The following CLSTN1 variants were observed in gnomAD, a reference collection of about 807,000 sequenced individuals.
CLSTN1 encodes the protein calsyntenin 1, also known as calsyntenin-1.
Under a neutral mutation model 108.3 loss-of-function variants are expected in CLSTN1, and 28 were observed. The ratio of observed to expected loss-of-function variants is 0.26; its 90% CI spans 0.19 to 0.35. The LOEUF is 0.35. CLSTN1 is among the 10% of genes least tolerant of loss of function. The probability of loss-of-function intolerance (pLI) is 1.00; values close to 1 mark genes in which losing one functional copy is unlikely to be tolerated. For synonymous variants in CLSTN1, 524 were observed against 534.9 expected (o/e 0.98, Z 0.28); for missense variants, 1,157 against 1,302.6 (o/e 0.89, Z 1.72).
At chr1:9,800,378 T>A (rs1164499638) in intron 1 of CLSTN1, among the ~76,000 whole-genome samples, 1 of 150,870 alleles carries the variant, frequency 6.6e-6, no homozygotes, top group Non-Finnish European at 1.5e-5. Flanking sequence ...ATTCCTAGTA[T>A]CAGAAATGAA....
At chr1:9,814,158 C>CTAGCACTT (rs1654879565) in intron 1 of CLSTN1, among the ~76,000 whole-genome samples, 1 of 151,062 alleles carries the variant, frequency 6.6e-6, no homozygotes, top group African/African-American at 2.4e-5. Context: ...GCTTGTAATC[C>CTAGCACTT]TAGCACTTTG....
In CLSTN1 at chr1:9,735,312, A is replaced by T. The variant is rs545148673; in HGVS notation, c.1884-138T>A. 3.2e-4 allele frequency: 438 copies of T among 1,363,466 alleles called. 9 individuals are homozygous for T. The South Asian group carries it at 5.3e-3, about 16-fold the overall frequency. The allele number at this position is 1,363,466 out of a possible 1,614,324, so 84.5% of individuals were successfully genotyped here. On this transcript the variant is annotated intron_variant, in intron 13 of 18. Transcript: ENST00000377298. Reference sequence around the variant, plus strand: ...CCACTCCAGGAACACACTTGCAAACAAGATGCGTAAATATCACTCAGCTCT... The same window carrying T: ...CCACTCCAGGAACACACTTGCAAACTAGATGCGTAAATATCACTCAGCTCT...
chr1:9,747,176 C>CAAAAAAA (rs70998306), intron 7 of CLSTN1, among the ~76,000 whole-genome samples: 4 of 32,744 alleles, frequency 1.2e-4, no homozygotes, highest in Admixed American at 3.4e-4. Context: ...GAGACTGTCT[C>CAAAAAAA]AAAAAAAAAA....
intron 2 of CLSTN1, among the ~76,000 whole-genome samples, chr1:9,763,527 T>C (rs538334290): frequency 7.2e-5 from 11 of 152,172 alleles, no homozygotes; most frequent in East Asian, 1.9e-4. Flanking sequence ...AGGTGGCCCA[T>C]TGGGGGTTTG....
intron 7 of CLSTN1, among the ~76,000 whole-genome samples, chr1:9,746,015 G>GC (rs1259513568): frequency 6.6e-6 from 1 of 152,118 alleles, no homozygotes; most frequent in East Asian, 1.9e-4. Flanking sequence ...CGATCCATCT[G>GC]CCTCAGACTC....
chr1:9,747,322 T>C (rs1361212305), intron 7 of CLSTN1, among the ~76,000 whole-genome samples: 1 of 152,014 alleles, frequency 6.6e-6, no homozygotes. Context: ...ATATTATACT[T>C]ACATGCATGG....
At chr1:9,731,722 A>G in intron 17 of CLSTN1, 39 bp downstream of exon 17, 1 of 1,611,732 alleles carries the variant, frequency 6.2e-7, no homozygotes, top group East Asian at 2.2e-5. Context: ...GGCGGACGGC[A>G]TGGAGCATCT....
intron 10 of CLSTN1, 76 bp downstream of exon 10, chr1:9,740,995 GGTAAGGCTGTAGGATACCGATCA>G: frequency 7.6e-7 from 1 of 1,315,298 alleles, no homozygotes; most frequent in Admixed American, 2.0e-5. Context: ...AGGACACGAG[GGTAAGGCTGTAGGATACCGATCA>G]CAGCCTGCTG....
intron 2 of CLSTN1, among the ~76,000 whole-genome samples, chr1:9,758,763 A>G (rs559067938): frequency 1.1e-4 from 17 of 152,318 alleles, no homozygotes; most frequent in African/African-American, 3.8e-4. Flanking sequence ...TGCCTGGCGG[A>G]AAGAGAGCAC....
rs1216289621 is a variant in CLSTN1, at chr1:9,730,708, G to A, written c.2749-3C>T. 10 of 1,597,168 alleles carry A rather than the reference G, an allele frequency of 6.3e-6. No homozygotes were observed. Among genetic ancestry groups the A allele is most frequent in the Non-Finnish European group, 8.5e-6 (10 of 1,174,594 alleles). ...CTGCTGTGCTGGTCCTCATAGGTCT[G>A]GCAAGGAGAAGTGACGGCCACATGA... On this transcript the variant is annotated splice_polypyrimidine_tract_variant and splice_region_variant and intron_variant, in intron 18 of 18. Transcript: ENST00000377298. The surrounding 1 kb of genome is among the most constrained non-coding windows in gnomAD (Gnocchi z 5.6).
chr1:9,793,770 C>A (rs899070816), intron 1 of CLSTN1, among the ~76,000 whole-genome samples: 6 of 151,446 alleles, frequency 4.0e-5, no homozygotes, highest in Non-Finnish European at 8.8e-5. Context: ...TTAGCATGAG[C>A]CTCCCTGAAG....
chr1:9,765,049 A>C (rs1459985609), intron 2 of CLSTN1, among the ~76,000 whole-genome samples: 1 of 152,156 alleles, frequency 6.6e-6, no homozygotes, highest in African/African-American at 2.4e-5. Context: ...ATTAAGCTGA[A>C]GCATGTGAAA....
intron 4 of CLSTN1, among the ~76,000 whole-genome samples, chr1:9,754,524 A>C (rs1319215371): frequency 6.6e-6 from 1 of 151,598 alleles, no homozygotes; most frequent in Non-Finnish European, 1.5e-5. Flanking sequence ...GTGCCACTAC[A>C]CTCCAGCTTG....
rs1650391096 is a variant in CLSTN1, at chr1:9,731,510, C to T, written c.2564-120G>A. 2.6e-6 allele frequency: 3 copies of T among 1,152,848 alleles called. No homozygotes were observed. The Admixed American group carries it at 6.5e-5, about 25-fold the overall frequency. 71.4% of individuals were successfully genotyped at this position (1,152,848 alleles called of 1,614,324 possible). A position where few individuals can be genotyped will look rare whatever the true frequency, so the allele number is the denominator to read the frequency against. On this transcript the variant is annotated intron_variant, in intron 17 of 18. Transcript: ENST00000377298. ...GGACAGCACGCTTCAGCTGAACCCA[C>T]AGGCCAGGAGGAAATACCAGGAAAA...
chr1:9,785,719 G>C (rs148006947), intron 1 of CLSTN1, among the ~76,000 whole-genome samples: 16 of 151,872 alleles, frequency 1.1e-4, no homozygotes, highest in African/African-American at 3.6e-4. Flanking sequence ...GAAAACCAAT[G>C]ATGTCTACAT....
chr1:9,782,419 ATAAGTTATTAGG>A (rs1341431758), intron 1 of CLSTN1, among the ~76,000 whole-genome samples: 1 of 152,194 alleles, frequency 6.6e-6, no homozygotes, highest in African/African-American at 2.4e-5. Flanking sequence ...TGGTTATTTA[ATAAGTTATTAGG>A]TAAGTAATGT....
intron 1 of CLSTN1, among the ~76,000 whole-genome samples, chr1:9,819,994 T>C (rs940263741): frequency 6.6e-6 from 1 of 151,458 alleles, no homozygotes; most frequent in East Asian, 1.9e-4. Context: ...TGATCTAATA[T>C]CCCCAATACT....
At position 9,734,948 on chromosome 1, in the gene CLSTN1, C is replaced by T; in HGVS notation, c.2110G>A (p.Val704Ile). 1 of 1,614,006 alleles carries T rather than the reference C, an allele frequency of 6.2e-7. No homozygotes were observed. Among genetic ancestry groups the T allele is most frequent in the Non-Finnish European group, 8.5e-7 (1 of 1,179,876 alleles). ...GCCCGCGCCCCACAGAGCACATTAC[C>T]TGTGGGGTCCTCAGCCCCGTCCCCT... The part of the protein sequence containing the change: ...PEGDGAEDPT[V>I]QESLVSEEIV... Residue 704 changes from valine to isoleucine, a missense_variant and splice_region_variant, in exon 14 of 19, where the codon GTT (valine) becomes ATT (isoleucine). By Grantham distance (29) the Val-to-Ile change is conservative. Coordinates refer to ENST00000377298, the MANE Select transcript of CLSTN1 (RefSeq NM_001009566.3). This position sits in a 1 kb window ranked among gnomAD's most constrained non-coding sequence, Gnocchi z 4.8.
intron 16 of CLSTN1, 90 bp downstream of exon 16, chr1:9,733,311 G>A: frequency 6.6e-7 from 1 of 1,504,726 alleles, no homozygotes; most frequent in Non-Finnish European, 9.2e-7. Context: ...TGAATGCTCT[G>A]AGGTTGGCGT....
Sources: gnomAD v4.1 joint callset for allele counts (sites outside exome capture counted in the v4.1 genomes callset) on GRCh38, gnomAD v4.1.1 for gene constraint, Gnocchi (gnomAD v3.1) non-coding constraint, MANE v1.5 for transcripts, NCBI Gene and HGNC (gene_info 2026-07-23, HGNC 2026-07-21) for gene names.